The following SULF2 variants were observed in gnomAD, a reference collection of about 807,000 sequenced individuals.
SULF2 encodes the protein sulfatase 2.
Under a neutral mutation model 107.7 loss-of-function variants are expected in SULF2, and 52 were observed. That is an observed-to-expected ratio of 0.48 (90% CI 0.39 to 0.61). The LOEUF (loss-of-function observed/expected upper bound fraction) is 0.61. Ranked by LOEUF, SULF2 falls within the 20% of genes least tolerant of loss-of-function variation. SULF2 has a pLI of 0.00. For synonymous variants in SULF2, 460 were observed against 464.3 expected (o/e 0.99, Z 0.12); for missense variants, 993 against 1,177.3 (o/e 0.84, Z 2.29).
chr20:47,669,760 G>A lies in SULF2; in HGVS notation c.1576+2438C>T, dbSNP rs77300527. 5.9e-3 allele frequency among the ~76,000 whole-genome samples: 905 copies of A among 152,232 alleles called. 11 individuals carry two copies. Among genetic ancestry groups the A allele is most frequent in the African/African-American group, 0.019 (791 of 41,532 alleles). Reference sequence around the variant, plus strand: ...GGCTCTGACATTACACTCACATGAGGATTCTGACCAGGGCTGAGCTGACTC... The same window carrying A: ...GGCTCTGACATTACACTCACATGAGAATTCTGACCAGGGCTGAGCTGACTC... On this transcript the variant is annotated intron_variant, in intron 11 of 20. Transcript: ENST00000688720.
At chr20:47,658,504 T>C in intron 20 of SULF2, 112 bp from the exon 21 acceptor site, 1 of 1,172,410 alleles carries the variant, frequency 8.5e-7, no homozygotes, top group South Asian at 1.2e-5. Flanking sequence ...TGAGAATGAA[T>C]ATTTCTAGGT....
At chr20:47,771,967 C>T (rs1366793880) in intron 1 of SULF2, among the ~76,000 whole-genome samples, 2 of 152,170 alleles carry the variant, frequency 1.3e-5, no homozygotes, top group Non-Finnish European at 2.9e-5. Context: ...GGCAGGGGCT[C>T]CTGATTTGAG....
intron 1 of SULF2, among the ~76,000 whole-genome samples, chr20:47,763,257 A>G (rs1035204748): frequency 6.6e-6 from 1 of 152,170 alleles, no homozygotes; most frequent in Non-Finnish European, 1.5e-5. Context: ...ATCTCTGGAA[A>G]CAGCTAACGT....
chr20:47,659,085 T>C (rs1280732055), intron 20 of SULF2, among the ~76,000 whole-genome samples: 1 of 152,196 alleles, frequency 6.6e-6, no homozygotes, highest in African/African-American at 2.4e-5. Flanking sequence ...GTTAGCACTT[T>C]TGTAGCCACA....
In SULF2 at chr20:47,666,986, G is replaced by T. The variant is rs1448776222; in HGVS notation, c.1577-498C>A. Among the ~76,000 whole-genome samples, 10 of 152,208 alleles carry T rather than the reference G, an allele frequency of 6.6e-5. No individual in the cohort carries two copies. The highest frequency in any genetic ancestry group is 6.5e-4 in the Admixed American group (10 of 15,286). ...TGATTGCCAGGGGCTGGGGGAGAGG[G>T]TAGTGAGGAGTGACTGCTTTGTGGG... is the stretch of plus-strand genomic sequence containing the variant. On this transcript the variant is annotated intron_variant, in intron 11 of 20. Transcript: ENST00000688720. The surrounding 1 kb of genome is among the most constrained non-coding windows in gnomAD (Gnocchi z 5.4).
chr20:47,768,873 TGTGTGC>T (rs1361572450), intron 1 of SULF2, among the ~76,000 whole-genome samples: 1 of 145,498 alleles, frequency 6.9e-6, no homozygotes, highest in Non-Finnish European at 1.5e-5. Flanking sequence ...AGTTTGTGTT[TGTGTGC>T]GTGTTTTTTT....
chr20:47,775,939 C>G (rs1040908591), intron 1 of SULF2, among the ~76,000 whole-genome samples: 1 of 152,106 alleles, frequency 6.6e-6, no homozygotes, highest in Non-Finnish European at 1.5e-5. Context: ...CCATTGGGTA[C>G]AAAGTGTCAC....
chr20:47,734,181 C>T (rs2089677899), intron 3 of SULF2, among the ~76,000 whole-genome samples: 1 of 152,150 alleles, frequency 6.6e-6, no homozygotes, highest in Non-Finnish European at 1.5e-5. Flanking sequence ...AGTCTCTGAC[C>T]ACTTCATAGA....
Position 47,658,298 on chromosome 20 carries a change from T to G in SULF2, c.*64A>C, listed in dbSNP as rs796945124. ...GGTCTGCTGGAAATCACCCACATGG[T>G]TTTTCATTGCCTGTGCAGTCAGGTG... On this transcript the variant is annotated 3_prime_UTR_variant, in exon 21 of 21. Transcript: ENST00000688720. The G allele has an allele frequency of 1.7e-5, 26 of 1,575,086 alleles. No individual in the cohort carries two copies. The highest frequency in any genetic ancestry group is 1.5e-4 in the African/African-American group (11 of 74,278).
intron 2 of SULF2, among the ~76,000 whole-genome samples, chr20:47,745,204 T>G (rs1252050564): frequency 6.6e-6 from 1 of 151,644 alleles, no homozygotes; most frequent in Admixed American, 6.6e-5. Context: ...GTCACCATAC[T>G]CAATAGGATG....
At chr20:47,785,072 G>C (rs1407950109) in intron 1 of SULF2, among the ~76,000 whole-genome samples, 1 of 152,072 alleles carries the variant, frequency 6.6e-6, no homozygotes, top group African/African-American at 2.4e-5. Context: ...CGGGTCAGGG[G>C]CGCGGCGGGA....
At chr20:47,724,557 A>T (rs1029047425) in intron 3 of SULF2, among the ~76,000 whole-genome samples, 10 of 152,206 alleles carry the variant, frequency 6.6e-5, no homozygotes, top group African/African-American at 2.4e-4. Flanking sequence ...GCAAATGAGG[A>T]TGAGGCCCAT....
At position 47,683,638 on chromosome 20, in the gene SULF2, CT is replaced by C. The variant is rs1408032029; in HGVS notation, c.889-470del. 3.9e-5 allele frequency among the ~76,000 whole-genome samples: 6 copies of C among 152,390 alleles called. No individual in the cohort carries two copies. The East Asian group carries it at 1.2e-3, about 29-fold the overall frequency. On this transcript the variant is annotated intron_variant, in intron 6 of 20. Coordinates refer to ENST00000688720, the MANE Select transcript of SULF2 (RefSeq NM_001387048.1). The stretch of plus-strand genomic sequence containing the variant: ...ATTGGTGGCCGTGTTAATGTCTGCA[CT>C]GTCCGATATGGACACATATTGGCTC...
chr20:47,699,784 T>C (rs1460696725), intron 4 of SULF2, among the ~76,000 whole-genome samples: 1 of 152,162 alleles, frequency 6.6e-6, no homozygotes, highest in Non-Finnish European at 1.5e-5. Flanking sequence ...AAAATACAAA[T>C]TTGTGGCTTC....
chr20:47,724,465 G>C, intron 3 of SULF2, among the ~76,000 whole-genome samples: 1 of 152,194 alleles, frequency 6.6e-6, no homozygotes, highest in Non-Finnish European at 1.5e-5. Context: ...TCTGGGTGTT[G>C]GTGGCATGGA....
In SULF2 at chr20:47,736,255, C is replaced by T. The variant is rs946185674; in HGVS notation, c.415+448G>A. On this transcript the variant is annotated intron_variant, in intron 3 of 20. Transcript: ENST00000688720. ...TTCTGCACCACCTTGGTTACTGCCA[C>T]GTAGAAAGCGACCACACAGCCCCAT... 1.6e-4 allele frequency among the ~76,000 whole-genome samples: 24 copies of T among 152,148 alleles called. 1 individual carries two copies. Among genetic ancestry groups the T allele is most frequent in the African/African-American group, 4.3e-4 (18 of 41,428 alleles).
intron 3 of SULF2, among the ~76,000 whole-genome samples, chr20:47,731,103 G>C (rs2146754735): frequency 6.6e-6 from 1 of 151,176 alleles, no homozygotes; most frequent in Middle Eastern, 3.4e-3. Context: ...CAGCCACCAT[G>C]TCCAGACCTC....
At position 47,659,659 on chromosome 20, in the gene SULF2, G is replaced by A. The variant is rs756822514; in HGVS notation, c.2528+38C>T. ...GAGACTGAAGGATGGGCCAAGATAG[G>A]AGAACTTTGTTTAGGCTTTAATAAT... On this transcript the variant is annotated intron_variant, in intron 19 of 20. Coordinates refer to ENST00000688720, the MANE Select transcript of SULF2 (RefSeq NM_001387048.1). 35 of 1,581,454 alleles carry A rather than the reference G, an allele frequency of 2.2e-5. No individual in the cohort carries two copies. The Admixed American group carries it at 4.2e-4, about 19-fold the overall frequency.
At chr20:47,689,082 G>A (rs933485755) in intron 5 of SULF2, among the ~76,000 whole-genome samples, 4 of 152,154 alleles carry the variant, frequency 2.6e-5, no homozygotes, top group South Asian at 2.1e-4. Flanking sequence ...CAGAAGTGGG[G>A]GGCTGGACTT....
Sources: gnomAD v4.1 joint callset for allele counts (sites outside exome capture counted in the v4.1 genomes callset) on GRCh38, gnomAD v4.1.1 for gene constraint, Gnocchi (gnomAD v3.1) non-coding constraint, MANE v1.5 for transcripts, NCBI Gene and HGNC (gene_info 2026-07-23, HGNC 2026-07-21) for gene names.